The following FLT1 variants were observed in gnomAD, a reference collection of about 807,000 sequenced individuals.
The protein encoded by FLT1 is vascular endothelial growth factor receptor 1.
Under a neutral mutation model 156.3 loss-of-function variants are expected in FLT1, and 49 were observed. The observed-to-expected ratio is 0.31, with a 90% CI of 0.25 to 0.40. The LOEUF (loss-of-function observed/expected upper bound fraction) is 0.40, where lower values mean the gene tolerates loss of function less well. Ranked by LOEUF, FLT1 falls within the 10% of genes least tolerant of loss-of-function variation. The pLI, the probability that FLT1 is intolerant of heterozygous loss-of-function variation, is 1.00. For synonymous variants in FLT1, 594 were observed against 583.8 expected, an observed-to-expected ratio of 1.02 and a Z score of -0.25; for missense variants, 1,322 against 1,637.2, an observed-to-expected ratio of 0.81 and a Z score of 3.32.
chr13:28,468,020 C>T (rs1296882624), intron 1 of FLT1, among the ~76,000 whole-genome samples: 1 of 152,108 alleles, frequency 6.6e-6, no homozygotes, highest in African/African-American at 2.4e-5. Context: ...CAATACTGAA[C>T]TTTTTCCAGT....
chr13:28,473,587 G>A (rs1408896151), intron 1 of FLT1, among the ~76,000 whole-genome samples: 2 of 151,134 alleles, frequency 1.3e-5, no homozygotes, highest in Non-Finnish European at 2.9e-5. Flanking sequence ...GGAGATTGCA[G>A]TGAGCCAAGA....
intron 4 of FLT1, among the ~76,000 whole-genome samples, chr13:28,434,814 C>T (rs1052792823): frequency 2.0e-5 from 3 of 152,158 alleles, no homozygotes; most frequent in African/African-American, 7.2e-5. Flanking sequence ...ACCCGGGAGG[C>T]AGAGGTTGCA....
intron 17 of FLT1, among the ~76,000 whole-genome samples, chr13:28,336,663 T>G (rs1356188388): frequency 6.6e-6 from 1 of 152,138 alleles, no homozygotes; most frequent in East Asian, 1.9e-4. Context: ...CCTGACTCCC[T>G]GTATTGTTTG....
Position 28,427,170 on chromosome 13 carries a change from A to T in FLT1, c.1425T>A (p.His475Gln). Reference sequence around the variant, plus strand: ...CTGACTGTCCCTACCTTGCTTCGGAATGATTATGGTTACAGGGGTGCCAGA... The same window carrying T: ...CTGACTGTCCCTACCTTGCTTCGGATTGATTATGGTTACAGGGGTGCCAGA... ...KWFWHPCNHN[H>Q]SEARCDFCSN... The change falls in exon 10 of 30, where the codon CAT becomes CAA. Residue 475 changes from histidine (H) to glutamine (Q), a missense_variant. His to Gln is a conservative substitution (Grantham distance 24, BLOSUM62 0). Around this residue, in one of 3 missense-constraint regions of FLT1, gnomAD observed 991 missense variants for 1,254.8 expected, o/e 0.79. Transcript: ENST00000282397. The T allele has an allele frequency of 6.2e-7, 1 of 1,614,016 alleles. No homozygotes were observed. The highest frequency in any genetic ancestry group is 8.5e-7 in the Non-Finnish European group (1 of 1,179,898).
intron 6 of FLT1, among the ~76,000 whole-genome samples, chr13:28,433,004 G>A (rs938518572): frequency 1.2e-4 from 18 of 152,172 alleles, no homozygotes; most frequent in African/African-American, 1.9e-4. Context: ...GGCGAGAAAT[G>A]TCGATGAAAA....
At chr13:28,478,582 A>T (rs1459693835) in intron 1 of FLT1, among the ~76,000 whole-genome samples, 1 of 152,222 alleles carries the variant, frequency 6.6e-6, no homozygotes, top group African/African-American at 2.4e-5. Flanking sequence ...ATTTTATTCA[A>T]CTACGTCTTA....
At chr13:28,384,739 C>T in intron 14 of FLT1, 146 bp downstream of exon 14, 1 of 774,840 alleles carries the variant, frequency 1.3e-6, no homozygotes, top group Non-Finnish European at 2.2e-6. Context: ...CTGGACATTG[C>T]TATCAGCATG....
chr13:28,327,646 G>T, intron 19 of FLT1, 96 bp from the exon 20 acceptor site: 2 of 805,668 alleles, frequency 2.5e-6, no homozygotes, highest in South Asian at 2.8e-5. Flanking sequence ...AAACCAACCA[G>T]CCTTTGTATT....
intron 3 of FLT1, among the ~76,000 whole-genome samples, chr13:28,465,237 C>T (rs146153518): frequency 7.9e-5 from 12 of 152,150 alleles, no homozygotes; most frequent in African/African-American, 2.7e-4. Context: ...CTTCCCCAAG[C>T]AAAATTCCCC....
At chr13:28,386,060 G>A (rs1439708290) in intron 13 of FLT1, 14 of 1,053,522 alleles carry the variant, frequency 1.3e-5, no homozygotes, top group South Asian at 9.1e-5. Context: ...TAACTGACAC[G>A]TTCTCTGTCA....
At chr13:28,466,137 C>T (rs748717989) in intron 3 of FLT1, among the ~76,000 whole-genome samples, 23 of 152,108 alleles carry the variant, frequency 1.5e-4, no homozygotes, top group Non-Finnish European at 2.9e-4. Context: ...AAGAAAGTGA[C>T]AGGCCATTTT....
chr13:28,329,081 A>G (rs1871815744), intron 19 of FLT1, among the ~76,000 whole-genome samples: 1 of 152,096 alleles, frequency 6.6e-6, no homozygotes, highest in Non-Finnish European at 1.5e-5. Flanking sequence ...ATGATCACAC[A>G]TCTACTCTGC....
At chr13:28,470,728 T>C (rs1320633774) in intron 1 of FLT1, among the ~76,000 whole-genome samples, 1 of 152,224 alleles carries the variant, frequency 6.6e-6, no homozygotes, top group African/African-American at 2.4e-5. Context: ...TTTGCTCTTG[T>C]CGCCCAGGCT....
chr13:28,326,518 C>G (rs1331293361), intron 20 of FLT1, among the ~76,000 whole-genome samples: 1 of 130,878 alleles, frequency 7.6e-6, no homozygotes, highest in Non-Finnish European at 1.6e-5. Context: ...ATCTCTCTCT[C>G]TCTTTTTTTT....
At chr13:28,323,313 A>G (rs1871547295) in intron 20 of FLT1, among the ~76,000 whole-genome samples, 1 of 152,220 alleles carries the variant, frequency 6.6e-6, no homozygotes, top group Non-Finnish European at 1.5e-5. Flanking sequence ...ACATGGAGAA[A>G]CAGGTTCAGA....
chr13:28,476,580 C>G (rs1021774825), intron 1 of FLT1, among the ~76,000 whole-genome samples: 1 of 152,124 alleles, frequency 6.6e-6, no homozygotes, highest in South Asian at 2.1e-4. Flanking sequence ...GTATATTAAA[C>G]GCACTATTTT....
chr13:28,345,798 A>G, intron 15 of FLT1: 1 of 396,682 alleles, frequency 2.5e-6, no homozygotes, highest in Non-Finnish European at 4.6e-6. Flanking sequence ...GGCTTTCCAG[A>G]AATTTTGCTG....
chr13:28,402,157 A>T (rs968889210), intron 11 of FLT1, among the ~76,000 whole-genome samples: 1 of 152,154 alleles, frequency 6.6e-6, no homozygotes, highest in Non-Finnish European at 1.5e-5. Context: ...AAAATACAAC[A>T]AAACAAAGAA....
At chr13:28,372,350 G>A (rs1873643308) in intron 14 of FLT1, among the ~76,000 whole-genome samples, 1 of 149,050 alleles carries the variant, frequency 6.7e-6, no homozygotes, top group Non-Finnish European at 1.5e-5. Context: ...CCAAAGTGCT[G>A]GGGGATTACA....
Sources: gnomAD v4.1 joint callset for allele counts (sites outside exome capture counted in the v4.1 genomes callset) on GRCh38, gnomAD v4.1.1 for gene constraint, gnomAD v4.1.1 regional missense constraint, MANE v1.5 for transcripts, NCBI Gene and HGNC (gene_info 2026-07-23, HGNC 2026-07-21) for gene names.